CCDC171: variants seen among roughly 807,000 people sequenced by gnomAD.
CCDC171 encodes the protein coiled-coil domain containing 171.
A neutral mutation model predicts 168.2 loss-of-function variants in CCDC171; 177 were observed. The observed-to-expected ratio is 1.05, with a 90% confidence interval of 0.93 to 1.19. CCDC171 has a LOEUF of 1.19. Among genes scored for constraint, CCDC171 ranks in the 50% most tolerant of loss-of-function variants. The pLI is 0.00. For missense variants in CCDC171, 1,991 were observed against 1,539.0 expected (o/e 1.29, Z -4.91); for synonymous variants, 687 against 540.8 (o/e 1.27, Z -3.75).
chr9:15,718,540 C>T (rs1331184996), intron 11 of CCDC171, among the ~76,000 whole-genome samples: 1 of 152,228 alleles, frequency 6.6e-6, no homozygotes, highest in East Asian at 1.9e-4. Context: ...GCTGTGCTGG[C>T]TTCAGGTTTG....
At chr9:15,769,781 CTTTG>C (rs1383306819) in intron 18 of CCDC171, among the ~76,000 whole-genome samples, 3 of 152,168 alleles carry the variant, frequency 2.0e-5, no homozygotes, top group African/African-American at 7.2e-5. Context: ...TCTGTGTACT[CTTTG>C]TTTATGTTGC....
intron 23 of CCDC171, among the ~76,000 whole-genome samples, chr9:15,864,444 T>C (rs1366256921): frequency 6.6e-6 from 1 of 152,110 alleles, no homozygotes; most frequent in Non-Finnish European, 1.5e-5. Context: ...TATCTCCTAA[T>C]GCTATCCCTC....
intron 11 of CCDC171, among the ~76,000 whole-genome samples, chr9:15,699,204 G>A (rs1043305224): frequency 1.3e-5 from 2 of 151,838 alleles, no homozygotes; most frequent in Non-Finnish European, 2.9e-5. Context: ...GTGAAGCTGC[G>A]GACCCTCGTG....
At chr9:15,976,184 A>C (rs907992666), downstream of CCDC171, among the ~76,000 whole-genome samples, 1 of 152,216 alleles carries the variant, frequency 6.6e-6, no homozygotes, top group African/African-American at 2.4e-5. Flanking sequence ...AATTTGTGGC[A>C]ATATGTCACA....
At chr9:15,887,194 G>GTA (rs912749979) in intron 24 of CCDC171, among the ~76,000 whole-genome samples, 1 of 151,894 alleles carries the variant, frequency 6.6e-6, no homozygotes, top group African/African-American at 2.4e-5. Flanking sequence ...ATTTCACAAA[G>GTA]TATATATATA....
At chr9:15,569,719 G>A (rs1043951585) in intron 2 of CCDC171, among the ~76,000 whole-genome samples, 4 of 151,804 alleles carry the variant, frequency 2.6e-5, no homozygotes, top group South Asian at 2.1e-4. Context: ...GGAGGCTGAG[G>A]CAGGAGAATG....
intron 24 of CCDC171, among the ~76,000 whole-genome samples, chr9:15,912,568 C>G (rs3008701): frequency 0.63 from 95,232 of 151,714 alleles, 31,302 homozygotes; most frequent in East Asian, 0.77. Context: ...GCCTTGGCCA[C>G]AATTTCCAAT....
intron 7 of CCDC171, among the ~76,000 whole-genome samples, chr9:15,628,528 G>A (rs1482920781): frequency 1.3e-5 from 2 of 152,246 alleles, no homozygotes; most frequent in Admixed American, 6.5e-5. Context: ...CAGCTGGGAA[G>A]CTTGAATTGG....
chr9:15,745,674 A>G (rs1428886969), intron 18 of CCDC171, 43 bp downstream of exon 18: 1 of 1,141,776 alleles, frequency 8.8e-7, no homozygotes, highest in Non-Finnish European at 1.2e-6. Context: ...ACATTTAAGA[A>G]CAAATATCCA....
intron 3 of CCDC171, among the ~76,000 whole-genome samples, chr9:15,983,639 A>G (rs982763893): frequency 6.6e-6 from 1 of 152,042 alleles, no homozygotes; most frequent in African/African-American, 2.4e-5. Flanking sequence ...CTGGATAAAC[A>G]TTTGTGTTTC....
intron 23 of CCDC171, among the ~76,000 whole-genome samples, chr9:15,860,078 TTCATAGTAGTCTC>T (rs1158563818): frequency 1.3e-5 from 2 of 151,894 alleles, no homozygotes; most frequent in Non-Finnish European, 2.9e-5. Flanking sequence ...CATATAATTG[TTCATAGTAGTCTC>T]TCATGATTCT....
intron 6 of CCDC171, among the ~76,000 whole-genome samples, chr9:15,600,479 C>G (rs1280586451): frequency 6.6e-6 from 1 of 152,154 alleles, no homozygotes; most frequent in Admixed American, 6.5e-5. Flanking sequence ...ATGTTGCTGC[C>G]TGATTGTTCT....
chr9:16,054,351 C>T (rs944109009), intron 1 of CCDC171, among the ~76,000 whole-genome samples: 1 of 152,198 alleles, frequency 6.6e-6, no homozygotes, highest in African/African-American at 2.4e-5. Flanking sequence ...CCAGAGATGG[C>T]ACAAAGGCTT....
intron 25 of CCDC171, among the ~76,000 whole-genome samples, chr9:15,968,664 A>G (rs922707784): frequency 1.3e-5 from 2 of 150,732 alleles, no homozygotes; most frequent in Admixed American, 1.3e-4. Context: ...CCCCTGCCTC[A>G]GCCTCCTGAG....
At chr9:16,099,423 G>A in the CCDC171 span, among the ~76,000 whole-genome samples, 1 of 152,234 alleles carries the variant, frequency 6.6e-6, no homozygotes, top group Non-Finnish European at 1.5e-5. Context: ...CACAAACACA[G>A]GGCAAAGATG....
chr9:15,755,569 C>G (rs1331354755), intron 18 of CCDC171, among the ~76,000 whole-genome samples: 1 of 152,066 alleles, frequency 6.6e-6, no homozygotes, highest in Non-Finnish European at 1.5e-5. Context: ...AGATGTCTAT[C>G]AACTGATTAA....
chr9:15,791,648 G>A (rs1487248180), intron 21 of CCDC171, among the ~76,000 whole-genome samples: 5 of 152,168 alleles, frequency 3.3e-5, no homozygotes, highest in African/African-American at 1.2e-4. Context: ...TGGGAGTGGT[G>A]AGAGAGGGCA....
At chr9:15,955,969 C>T (rs913766818) in intron 25 of CCDC171, among the ~76,000 whole-genome samples, 2 of 151,900 alleles carry the variant, frequency 1.3e-5, no homozygotes, top group Non-Finnish European at 2.9e-5. Context: ...GAAAAGGATT[C>T]GATTCTAGAT....
In CCDC171 at chr9:15,555,746, C is replaced by T. The variant is rs191085718; in HGVS notation, c.-112+2444C>T. The stretch of plus-strand genomic sequence containing the variant: ...ATGTGCACAATGTGCAGGTTTGTTA[C>T]ATATGCATACATGTGCCATGTTGGT... On this transcript the variant is annotated intron_variant, in intron 1 of 25. Transcript: ENST00000380701. 2.6e-5 allele frequency among the ~76,000 whole-genome samples: 4 copies of T among 152,290 alleles called. No individual in the cohort carries two copies. In the East Asian group the frequency reaches 7.7e-4, roughly 29 times the overall value.
Sources: gnomAD v4.1 joint callset for allele counts (sites outside exome capture counted in the v4.1 genomes callset) on GRCh38, gnomAD v4.1.1 for gene constraint, MANE v1.5 for transcripts, NCBI Gene and HGNC (gene_info 2026-07-23, HGNC 2026-07-21) for gene names.